USH2A: variants seen among roughly 807,000 people sequenced by gnomAD.
USH2A encodes Usher syndrome 2A (autosomal recessive, mild).
USH2A carries 443 observed loss-of-function variants against 538.9 expected under a neutral mutation model. The ratio of observed to expected loss-of-function variants is 0.82; its 90% CI spans 0.76 to 0.89. The LOEUF (loss-of-function observed/expected upper bound fraction) is 0.89, where lower values mean the gene tolerates loss of function less well. Among genes scored for constraint, USH2A ranks in the 40% least tolerant of loss-of-function variants. The probability of loss-of-function intolerance (pLI) is 0.00; values close to 1 mark genes in which losing one functional copy is unlikely to be tolerated. For synonymous variants in USH2A, 2,413 were observed against 2,273.5 expected (o/e 1.06, Z -1.75); for missense variants, 6,633 against 6,324.8 (o/e 1.05, Z -1.65).
At chr1:215,853,708 C>T (rs987841327) in intron 44 of USH2A, among the ~76,000 whole-genome samples, 3 of 152,180 alleles carry the variant, frequency 2.0e-5, no homozygotes, top group Non-Finnish European at 4.4e-5. Flanking sequence ...TAATCTCTCT[C>T]AAGTTCATAG....
At position 216,059,191 on chromosome 1, in the gene USH2A, T is replaced by TAC. The variant is rs2031088883; in HGVS notation, c.6050-10545_6050-10544insGT. Reference sequence around the variant, plus strand: ...TAACATACACATATACATACATATATAGAGTAGCATTTTAATTTAATTTAA... The same window carrying TAC: ...TAACATACACATATACATACATATATACAGAGTAGCATTTTAATTTAATTTAA... On this transcript the variant is annotated intron_variant, in intron 30 of 71. Transcript: ENST00000307340. Among the ~76,000 whole-genome samples the TAC allele has an allele frequency of 2.0e-5, 3 of 152,024 alleles. No homozygotes were observed. The South Asian group carries it at 6.2e-4, about 32-fold the overall frequency.
At chr1:216,264,985 T>C (rs920580311) in intron 11 of USH2A, among the ~76,000 whole-genome samples, 7 of 152,078 alleles carry the variant, frequency 4.6e-5, no homozygotes, top group Non-Finnish European at 8.8e-5. Flanking sequence ...CTAGGAGACG[T>C]GCTTCAGGAC....
chr1:215,781,012 T>C (rs945988216), intron 54 of USH2A, among the ~76,000 whole-genome samples: 6 of 152,262 alleles, frequency 3.9e-5, no homozygotes, highest in Non-Finnish European at 8.8e-5. Context: ...CTGGCTTCTA[T>C]GAAATGTCCC....
intron 20 of USH2A, among the ~76,000 whole-genome samples, chr1:216,185,028 A>G (rs1046040885): frequency 5.3e-5 from 8 of 151,962 alleles, no homozygotes; most frequent in African/African-American, 1.9e-4. Context: ...ACTAAACTCA[A>G]TTTGCAATGG....
intron 11 of USH2A, among the ~76,000 whole-genome samples, chr1:216,275,669 C>T (rs2102587371): frequency 6.6e-6 from 1 of 152,096 alleles, no homozygotes; most frequent in Middle Eastern, 3.4e-3. Flanking sequence ...ATTCAAATTT[C>T]TTAGGTTATA....
chr1:216,376,207 C>T (rs894783876), intron 3 of USH2A, among the ~76,000 whole-genome samples: 4 of 152,084 alleles, frequency 2.6e-5, no homozygotes, highest in African/African-American at 7.2e-5. Flanking sequence ...TAAACCTTCA[C>T]TTTGTAAAAA....
At chr1:215,842,940 A>C (rs1310433009) in intron 46 of USH2A, among the ~76,000 whole-genome samples, 1 of 152,154 alleles carries the variant, frequency 6.6e-6, no homozygotes, top group South Asian at 2.1e-4. Flanking sequence ...ACAAACCTAC[A>C]TGTCCTGAAC....
At chr1:216,290,126 A>T (rs1478723695) in intron 10 of USH2A, among the ~76,000 whole-genome samples, 1 of 152,178 alleles carries the variant, frequency 6.6e-6, no homozygotes, top group African/African-American at 2.4e-5. Context: ...AGTGAACGTG[A>T]CTAGTGTATA....
intron 38 of USH2A, among the ~76,000 whole-genome samples, chr1:215,920,415 G>A (rs1026734322): frequency 2.6e-5 from 4 of 152,038 alleles, no homozygotes; most frequent in Non-Finnish European, 5.9e-5. Context: ...AAATGTAGAT[G>A]TTTACAGGTT....
At chr1:216,286,236 G>A (rs1277869707) in intron 11 of USH2A, among the ~76,000 whole-genome samples, 1 of 152,098 alleles carries the variant, frequency 6.6e-6, no homozygotes, top group African/African-American at 2.4e-5. Flanking sequence ...TTGAATCATG[G>A]GGGCAGTTTC....
intron 60 of USH2A, among the ~76,000 whole-genome samples, chr1:215,737,173 A>G (rs77216912): frequency 0.013 from 2,052 of 152,034 alleles, 72 homozygotes; most frequent in Admixed American, 0.061. Context: ...TATATATAAA[A>G]TGCCCAAAGA....
intron 34 of USH2A, among the ~76,000 whole-genome samples, chr1:215,994,257 A>T (rs1428475966): frequency 6.6e-6 from 1 of 152,200 alleles, no homozygotes; most frequent in Non-Finnish European, 1.5e-5. Context: ...TAAGATAAAA[A>T]ATTAAAGCAT....
At chr1:216,122,838 T>C (rs1301889685) in intron 21 of USH2A, among the ~76,000 whole-genome samples, 1 of 152,154 alleles carries the variant, frequency 6.6e-6, no homozygotes, top group Non-Finnish European at 1.5e-5. Context: ...TCAGAGACTT[T>C]CCCATCCTAT....
In USH2A at chr1:215,963,572, A is replaced by C. The variant is rs185088094; in HGVS notation, c.7120+1745T>G. 4.5e-3 allele frequency among the ~76,000 whole-genome samples: 683 copies of C among 152,258 alleles called. 21 individuals carry two copies. Among genetic ancestry groups the C allele is most frequent in the Admixed American group, 0.041 (624 of 15,276 alleles). On this transcript the variant is annotated intron_variant, in intron 37 of 71. Transcript: ENST00000307340. Reference sequence around the variant, plus strand: ...ATTTATAAGACCAGGTTTTCCCTCCACTAAAATATGCAGGCACTCTGTTCT... The same window carrying C: ...ATTTATAAGACCAGGTTTTCCCTCCCCTAAAATATGCAGGCACTCTGTTCT...
intron 30 of USH2A, 116 bp from the exon 31 acceptor site, chr1:216,048,763 A>G (rs1488170190): frequency 1.1e-6 from 1 of 888,938 alleles, no homozygotes; most frequent in African/African-American, 1.6e-5. Context: ...CAAAGAGACC[A>G]GAGACAGAAA....
chr1:216,229,397 CCT>C (rs1335015140), intron 14 of USH2A, among the ~76,000 whole-genome samples: 1 of 151,780 alleles, frequency 6.6e-6, no homozygotes, highest in Non-Finnish European at 1.5e-5. Context: ...CTCACTGCAG[CCT>C]CGACCTTCCA....
At chr1:215,634,770 G>T in intron 69 of USH2A, 67 bp from the exon 70 acceptor site, 1 of 1,612,270 alleles carries the variant, frequency 6.2e-7, no homozygotes, top group Non-Finnish European at 8.5e-7. Context: ...CTCTGGCCCT[G>T]CTATTTGATA....
At chr1:216,377,416 A>G (rs2038842486) in intron 3 of USH2A, among the ~76,000 whole-genome samples, 1 of 152,154 alleles carries the variant, frequency 6.6e-6, no homozygotes, top group Admixed American at 6.5e-5. Context: ...CCCTGAATAC[A>G]AAAGTAGGTA....
chr1:216,406,634 C>T (rs2039401963), intron 3 of USH2A, among the ~76,000 whole-genome samples: 1 of 152,156 alleles, frequency 6.6e-6, no homozygotes, highest in South Asian at 2.1e-4. Context: ...TTGCCACCTA[C>T]CTTGTTCTCA....
Sources: allele counts gnomAD v4.1 joint callset (sites outside exome capture counted in the v4.1 genomes callset), GRCh38; gene constraint gnomAD v4.1.1; transcripts MANE v1.5; gene names NCBI Gene and HGNC (gene_info 2026-07-23, HGNC 2026-07-21).